Variants in SCN1A observed in about 807,000 individuals in gnomAD.
SCN1A encodes sodium channel protein type 1 subunit alpha.
SCN1A carries 13 observed loss-of-function variants against 193.7 expected under a neutral mutation model. The ratio of observed to expected loss-of-function variants is 0.07; its 90% CI spans 0.04 to 0.11. SCN1A has a LOEUF of 0.11. Among genes scored for constraint, SCN1A ranks in the 10% least tolerant of loss-of-function variants. The pLI is 1.00. For synonymous variants in SCN1A, 781 were observed against 843.6 expected (o/e 0.93, Z 1.29); for missense variants, 1,432 against 2,451.1 (o/e 0.58, Z 8.78).
At chr2:166,019,650 T>C (rs1201592074) in intron 19 of SCN1A, among the ~76,000 whole-genome samples, 1 of 152,194 alleles carries the variant, frequency 6.6e-6, no homozygotes, top group Non-Finnish European at 1.5e-5. Context: ...TGTTTATTCT[T>C]GTTACCTTTT....
At chr2:166,121,831 G>T (rs953942847) in intron 2 of SCN1A, among the ~76,000 whole-genome samples, 1 of 152,156 alleles carries the variant, frequency 6.6e-6, no homozygotes, top group African/African-American at 2.4e-5. Flanking sequence ...TCAAACTCCG[G>T]TACCTCAGAA....
chr2:166,035,625 C>A (rs1178540269), intron 19 of SCN1A, among the ~76,000 whole-genome samples: 2 of 152,100 alleles, frequency 1.3e-5, no homozygotes, highest in African/African-American at 4.8e-5. Flanking sequence ...TATAGCTTAC[C>A]CTAGTCTACT....
At chr2:165,993,706 C>A in intron 28 of SCN1A, 1 of 175,284 alleles carries the variant, frequency 5.7e-6, no homozygotes, top group Admixed American at 5.8e-5. Flanking sequence ...TCTTTTTATG[C>A]AATACTTTTC....
intron 2 of SCN1A, among the ~76,000 whole-genome samples, chr2:166,084,963 G>T (rs562190019): frequency 1.3e-5 from 2 of 152,254 alleles, no homozygotes; most frequent in African/African-American, 4.8e-5. Flanking sequence ...AATGAATGTT[G>T]CTAGGTGGAG....
At position 166,015,722 on chromosome 2, in the gene SCN1A, C is replaced by T. The variant is rs371910801; in HGVS notation, c.3435G>A (p.Leu1145=). The change falls in exon 20 of 29, where the codon CTG becomes CTA. Residue 1145 remains leucine, a synonymous_variant. Transcript: ENST00000674923. ...CTTCTGATGAGCTACTGCTTTCATT[C>T]AGTTTCTGTAAGTGAGATGGACATA... is the stretch of plus-strand genomic sequence containing the variant. ...ESDLEESKEK[L]NESSSSSEGS... 3.1e-6 allele frequency: 5 copies of T among 1,612,472 alleles called. No individual in the cohort carries two copies. The highest frequency in any genetic ancestry group is 4.2e-6 in the Non-Finnish European group (5 of 1,178,856).
At chr2:166,078,775 A>G (rs1271402608) in intron 2 of SCN1A, among the ~76,000 whole-genome samples, 1 of 151,684 alleles carries the variant, frequency 6.6e-6, no homozygotes, top group Non-Finnish European at 1.5e-5. Context: ...ATAACTAGAG[A>G]AATCTATTTG....
At chr2:166,039,910 C>CTTTT (rs10523688) in intron 16 of SCN1A, among the ~76,000 whole-genome samples, 9 of 110,878 alleles carry the variant, frequency 8.1e-5, no homozygotes, top group African/African-American at 2.2e-4. Context: ...TACAAGTCAT[C>CTTTT]TTTTTTTTTT....
intron 19 of SCN1A, among the ~76,000 whole-genome samples, chr2:166,026,793 C>T (rs1031283429): frequency 2.0e-5 from 3 of 149,238 alleles, no homozygotes; most frequent in African/African-American, 5.0e-5. Context: ...ATGTCATTCT[C>T]CTGTCTCAGC....
rs1696880667 is a variant in SCN1A at position 166,039,537 on chromosome 2, G to A, written c.2475C>T (p.Tyr825=). Residue 825 remains tyrosine (Y), a synonymous_variant, in exon 17 of 29, where the codon TAC becomes TAT. Coordinates refer to ENST00000674923, the MANE Select transcript of SCN1A (RefSeq NM_001165963.4). The part of the protein sequence containing the change: ...MFLKIIAMDP[Y]YYFQEGWNIF... ...TATTCCAGCCTTCTTGGAAATAATA[G>A]TAAGGATCCATGGCAATAATTTTCA... 6.2e-7 allele frequency: 1 copy of A among 1,613,634 alleles called. No individual in the cohort carries two copies. Among genetic ancestry groups the A allele is most frequent in the South Asian group, 1.1e-5 (1 of 91,068 alleles).
At chr2:166,104,224 G>C (rs1037446022) in intron 2 of SCN1A, 6 of 152,148 alleles carry the variant, frequency 3.9e-5, no homozygotes, top group Non-Finnish European at 7.3e-5. Context: ...TTCATTGTTA[G>C]AATTCAACTT....
At chr2:166,057,069 G>A (rs551990808) in intron 5 of SCN1A, among the ~76,000 whole-genome samples, 1 of 152,188 alleles carries the variant, frequency 6.6e-6, no homozygotes, top group South Asian at 2.1e-4. Flanking sequence ...AACATTAAAA[G>A]TGAATATTCT....
chr2:166,034,389 T>C (rs1226606944), intron 19 of SCN1A, among the ~76,000 whole-genome samples: 2 of 152,228 alleles, frequency 1.3e-5, no homozygotes, highest in African/African-American at 4.8e-5. Context: ...GAATGTCACA[T>C]ACCTGTGGTA....
At position 166,089,570 on chromosome 2, in the gene SCN1A, A is replaced by T. The variant is rs140892457; in HGVS notation, c.-141-11769T>A. Among the ~76,000 whole-genome samples the T allele has an allele frequency of 2.0e-5, 3 of 151,934 alleles. No individual in the cohort carries two copies. In the East Asian group the frequency reaches 5.8e-4, roughly 30 times the overall value. ...GGCGTAAGAGTTCTTTTTTTGGTTG[A>T]CTAGGTAGGGGATGGGGCTGGCTGG... On this transcript the variant is annotated intron_variant, in intron 2 of 28. Coordinates refer to ENST00000674923, the MANE Select transcript of SCN1A (RefSeq NM_001165963.4).
intron 2 of SCN1A, among the ~76,000 whole-genome samples, chr2:166,080,363 A>T (rs757381616): frequency 4.6e-5 from 7 of 151,856 alleles, no homozygotes; most frequent in Non-Finnish European, 1.0e-4. Flanking sequence ...CTAACAAGAG[A>T]AGACTTCAAA....
chr2:166,073,459 A>G lies in SCN1A; in HGVS notation c.163T>C (p.Leu55=), dbSNP rs1344374965. 1.2e-6 allele frequency: 2 copies of G among 1,614,156 alleles called. No homozygotes were observed. The highest frequency in any genetic ancestry group is 2.2e-5 in the South Asian group (2 of 91,084). Reference sequence around the variant, plus strand: ...AATGGAAGGTTCTTTCCAGCTTCCAAGTCACTATTTGGCTTTGGGCCATTT... The same window carrying G: ...AATGGAAGGTTCTTTCCAGCTTCCAGGTCACTATTTGGCTTTGGGCCATTT... ...DENGPKPNSD[L]EAGKNLPFIY... is the part of the protein sequence containing the mutation. The change falls in exon 4 of 29, where the codon TTG becomes CTG. Residue 55 remains leucine, a synonymous_variant. Coordinates refer to ENST00000674923, the MANE Select transcript of SCN1A (RefSeq NM_001165963.4).
At chr2:166,039,999 A>C (rs974885567) in intron 16 of SCN1A, among the ~76,000 whole-genome samples, 1 of 141,664 alleles carries the variant, frequency 7.1e-6, no homozygotes, top group African/African-American at 2.6e-5. Context: ...ATCTTGGCTC[A>C]CTGCAAGCTC....
chr2:166,042,324 C>T lies in SCN1A; in HGVS notation c.2144G>A (p.Ser715Asn). 1 of 1,613,880 alleles carries T rather than the reference C, an allele frequency of 6.2e-7. No individual in the cohort carries two copies. The highest frequency in any genetic ancestry group is 1.1e-5 in the South Asian group (1 of 91,070). Residue 715 changes from serine to asparagine, a missense_variant, in exon 15 of 29, where the codon AGT becomes AAT. Physicochemically the swap from Ser to Asn is conservative, Grantham distance 46. This residue lies in a region of SCN1A where 316 missense variants were observed against 362.1 expected (regional missense o/e 0.87). Transcript: ENST00000674923. ...EDPSQRQRAM[S>N]IASILTNTVE... ...TGTATTTGTTAGAATGCTGGCTATA[C>T]TCATTGCTCGTTGCCTTTGGGAAGG...
intron 2 of SCN1A, among the ~76,000 whole-genome samples, chr2:166,102,991 G>T (rs1688276001): frequency 6.6e-6 from 1 of 151,860 alleles, no homozygotes; most frequent in South Asian, 2.1e-4. Context: ...GTACCTTAAG[G>T]CATTGTTCAA....
intron 2 of SCN1A, among the ~76,000 whole-genome samples, chr2:166,098,843 G>C (rs1687701261): frequency 6.6e-6 from 1 of 152,118 alleles, no homozygotes; most frequent in Non-Finnish European, 1.5e-5. Context: ...ATGAAACACT[G>C]ATGAAAGAAA....
Sources: allele counts gnomAD v4.1 joint callset (sites outside exome capture counted in the v4.1 genomes callset), GRCh38; gene constraint gnomAD v4.1.1; regional missense constraint gnomAD v4.1.1; transcripts MANE v1.5; gene names NCBI Gene and HGNC (gene_info 2026-07-23, HGNC 2026-07-21).